CAAP1: variants seen among roughly 807,000 people sequenced by gnomAD.
CAAP1 encodes conserved anti-apoptotic protein.
In CAAP1, 20 loss-of-function variants were observed where a neutral mutation model predicts 34.0. The ratio of observed to expected loss-of-function variants is 0.59; its 90% CI spans 0.41 to 0.86. The LOEUF is 0.86. Ranked by LOEUF, CAAP1 falls within the 40% of genes least tolerant of loss-of-function variation. CAAP1 has a pLI of 0.00. For missense variants in CAAP1, 538 were observed against 450.5 expected, an observed-to-expected ratio of 1.19 and a Z score of -1.76; for synonymous variants, 213 against 166.7, an observed-to-expected ratio of 1.28 and a Z score of -2.14.
chr9:26,892,343 C>T (rs1443623301), intron 1 of CAAP1, 70 bp downstream of exon 1: 4 of 1,577,242 alleles, frequency 2.5e-6, no homozygotes, highest in South Asian at 1.1e-5. Context: ...TGCGCCCCAT[C>T]CCTCTGGAAG....
In CAAP1 at chr9:26,861,133, G is replaced by A. The variant is rs1822994865; in HGVS notation, c.672C>T (p.Asp224=). The A allele has an allele frequency of 1.2e-6, 2 of 1,606,290 alleles. No individual in the cohort carries two copies. Among genetic ancestry groups the A allele is most frequent in the Admixed American group, 1.7e-5 (1 of 59,714 alleles). ...CGGATGAAGCAGAATCTATACAGAT[G>A]TCTTGCCTGGGAAATGAAAATAAGA... The part of the protein sequence containing the change: ...KMGSDLVSQQ[D]ICIDSASSVR... Residue 224 remains aspartate, a synonymous_variant, in exon 5 of 6, where the codon GAC becomes GAT. Coordinates refer to ENST00000333916, the MANE Select transcript of CAAP1 (RefSeq NM_024828.4).
At chr9:26,876,259 T>G (rs1265067241) in intron 4 of CAAP1, among the ~76,000 whole-genome samples, 1 of 152,202 alleles carries the variant, frequency 6.6e-6, no homozygotes, top group Non-Finnish European at 1.5e-5. Flanking sequence ...TCGACTGTCT[T>G]ATCTCCCTCT....
intron 5 of CAAP1, among the ~76,000 whole-genome samples, chr9:26,848,473 AC>A (rs1461833195): frequency 6.6e-6 from 1 of 152,022 alleles, no homozygotes; most frequent in Admixed American, 6.6e-5. Flanking sequence ...CCAAGATTAC[AC>A]CACTGCACTC....
In CAAP1 at chr9:26,860,891, A is replaced by G. The variant is rs527326178; in HGVS notation, c.739+175T>C. 1.3e-4 allele frequency among the ~76,000 whole-genome samples: 20 copies of G among 152,320 alleles called. No individual in the cohort carries two copies. In the East Asian group the frequency reaches 3.9e-3, roughly 29 times the overall value. ...TCTGTAACTAACTAAACATCATAAA[A>G]TATAATCATTTCAGTAGCTAAAAGA... On this transcript the variant is annotated intron_variant, in intron 5 of 5. Transcript: ENST00000333916.
In CAAP1 at chr9:26,841,423, T is replaced by G. The variant is rs1182961138; in HGVS notation, c.*878A>C. The G allele has an allele frequency of 6.6e-6, 1 of 152,544 alleles. No homozygotes were observed. Among genetic ancestry groups the G allele is most frequent in the Non-Finnish European group, 1.5e-5 (1 of 67,978 alleles). 9.4% of individuals were successfully genotyped at this position (152,544 alleles called of 1,614,324 possible). On this transcript the variant is annotated 3_prime_UTR_variant, in exon 6 of 6. Coordinates refer to ENST00000333916, the MANE Select transcript of CAAP1 (RefSeq NM_024828.4). ...TTAGATTAATTATAACAACAACTTA[T>G]CAAAGGTTCCTGAAATTAATTTTGC...
chr9:26,872,246 A>G (rs779867080), intron 4 of CAAP1, among the ~76,000 whole-genome samples: 6 of 152,142 alleles, frequency 3.9e-5, no homozygotes, highest in Non-Finnish European at 8.8e-5. Context: ...CTTTCATTCT[A>G]TCTTCTCTAA....
intron 5 of CAAP1, among the ~76,000 whole-genome samples, chr9:26,846,125 G>C (rs567463294): frequency 6.6e-6 from 1 of 152,058 alleles, no homozygotes; most frequent in East Asian, 1.9e-4. Flanking sequence ...TCAAGAAAGA[G>C]TTACACTTAC....
At chr9:26,848,905 A>T (rs1470546233) in intron 5 of CAAP1, among the ~76,000 whole-genome samples, 3 of 152,202 alleles carry the variant, frequency 2.0e-5, no homozygotes, top group South Asian at 4.1e-4. Flanking sequence ...AAACATATAA[A>T]TTTTTTTTGT....
intron 1 of CAAP1, among the ~76,000 whole-genome samples, chr9:26,891,974 TAAC>T (rs1823914240): frequency 6.6e-6 from 1 of 152,194 alleles, no homozygotes; most frequent in African/African-American, 2.4e-5. Context: ...TAGGAGCTAT[TAAC>T]AAACTCTGTG....
chr9:26,891,878 T>C (rs1823911995), intron 1 of CAAP1, among the ~76,000 whole-genome samples: 1 of 152,246 alleles, frequency 6.6e-6, no homozygotes, highest in African/African-American at 2.4e-5. Flanking sequence ...AAACAAATTA[T>C]GAACTTTTTT....
intron 1 of CAAP1, among the ~76,000 whole-genome samples, chr9:26,888,344 T>A (rs771836258): frequency 2.6e-5 from 4 of 152,204 alleles, no homozygotes; most frequent in Non-Finnish European, 4.4e-5. Flanking sequence ...TAACCTATTC[T>A]CCTTCCTTCA....
At chr9:26,883,775 T>C (rs1157043228) in intron 4 of CAAP1, among the ~76,000 whole-genome samples, 1 of 152,168 alleles carries the variant, frequency 6.6e-6, no homozygotes, top group African/African-American at 2.4e-5. Context: ...TAAGAAACTT[T>C]AAAATATTAA....
chr9:26,869,931 A>T, intron 4 of CAAP1: 1 of 984,374 alleles, frequency 1.0e-6, no homozygotes, highest in Non-Finnish European at 1.2e-6. Context: ...AATACCTGCT[A>T]ATCATCTAAC....
At chr9:26,891,364 G>A (rs1164701952) in intron 1 of CAAP1, among the ~76,000 whole-genome samples, 4 of 152,126 alleles carry the variant, frequency 2.6e-5, no homozygotes, top group Admixed American at 2.6e-4. Flanking sequence ...GTCATCAAAA[G>A]CTAGTTAAGA....
At chr9:26,866,821 G>A (rs1282868383) in intron 4 of CAAP1, among the ~76,000 whole-genome samples, 1 of 152,096 alleles carries the variant, frequency 6.6e-6, no homozygotes. Flanking sequence ...AATTCTGGAG[G>A]CCAGAAGCCC....
chr9:26,874,186 A>G (rs1416253897), intron 4 of CAAP1, among the ~76,000 whole-genome samples: 6 of 144,032 alleles, frequency 4.2e-5, no homozygotes, highest in Non-Finnish European at 6.0e-5. Context: ...AAGCCTGGGC[A>G]ACAAAGTGAG....
intron 3 of CAAP1, among the ~76,000 whole-genome samples, chr9:26,885,647 G>A (rs1197695386): frequency 6.6e-6 from 1 of 152,060 alleles, no homozygotes; most frequent in Non-Finnish European, 1.5e-5. Context: ...ATCACCAAGA[G>A]TAGTCACACT....
At position 26,885,203 on chromosome 9, in the gene CAAP1, A is replaced by C. The variant is rs568748102; in HGVS notation, c.590-318T>G. ...GCAATTCTCCTGCCTCAGCCTCCCG[A>C]GCAGCTGGGACTACAGGCGCCCGCC... On this transcript the variant is annotated intron_variant, in intron 3 of 5. Transcript: ENST00000333916. 7.7e-3 allele frequency among the ~76,000 whole-genome samples: 1,166 copies of C among 150,736 alleles called. 6 individuals are homozygous for C. Among genetic ancestry groups the C allele is most frequent in the Non-Finnish European group, 0.013 (888 of 67,830 alleles).
At chr9:26,869,854 A>T in intron 4 of CAAP1, 2 of 459,948 alleles carry the variant, frequency 4.3e-6, no homozygotes, top group Non-Finnish European at 5.7e-6. Context: ...AAAACAAATC[A>T]GTTAAGTGAT....
Sources: allele counts gnomAD v4.1 joint callset (sites outside exome capture counted in the v4.1 genomes callset), GRCh38; gene constraint gnomAD v4.1.1; transcripts MANE v1.5; gene names NCBI Gene and HGNC (gene_info 2026-07-23, HGNC 2026-07-21).